ARHGAP24: variants seen among roughly 807,000 people sequenced by gnomAD.
ARHGAP24 encodes the protein rho GTPase-activating protein 24.
A neutral mutation model predicts 76.4 loss-of-function variants in ARHGAP24; 50 were observed. The ratio of observed to expected loss-of-function variants is 0.65; its 90% confidence interval spans 0.52 to 0.83. ARHGAP24 has a LOEUF of 0.83. Ranked by LOEUF, ARHGAP24 falls within the 40% of genes least tolerant of loss-of-function variation. The pLI is 0.00. For synonymous variants in ARHGAP24, 345 were observed against 323.3 expected (o/e 1.07, Z -0.72); for missense variants, 930 against 914.2 (o/e 1.02, Z -0.22).
intron 3 of ARHGAP24, among the ~76,000 whole-genome samples, chr4:85,859,731 G>C (rs1731782209): frequency 6.6e-6 from 1 of 152,088 alleles, no homozygotes; most frequent in African/African-American, 2.4e-5. Flanking sequence ...CCATCTGGCT[G>C]TAGTCTGGAA....
At chr4:85,489,006 C>G (rs536419301) in intron 1 of ARHGAP24, among the ~76,000 whole-genome samples, 1 of 152,136 alleles carries the variant, frequency 6.6e-6, no homozygotes, top group Non-Finnish European at 1.5e-5. Context: ...CTTCTACATT[C>G]CTTGTAATAA....
At chr4:85,639,745 T>G (rs1721455932) in intron 2 of ARHGAP24, among the ~76,000 whole-genome samples, 1 of 151,736 alleles carries the variant, frequency 6.6e-6, no homozygotes, top group East Asian at 1.9e-4. Flanking sequence ...TTTTTTTCAT[T>G]AAGTAGTCCT....
intron 4 of ARHGAP24, chr4:85,930,448 A>T: frequency 3.0e-6 from 3 of 987,742 alleles, no homozygotes; most frequent in Non-Finnish European, 3.6e-6. Flanking sequence ...GGAGCCAGCA[A>T]GGACAGTCCT....
chr4:85,671,318 T>C (rs6858619), intron 2 of ARHGAP24, among the ~76,000 whole-genome samples: 4,461 of 152,222 alleles, frequency 0.029, 203 homozygotes, highest in African/African-American at 0.1. Flanking sequence ...TTACATGGTA[T>C]TTTTTCCCTG....
chr4:85,483,775 A>T (rs1722910913), intron 1 of ARHGAP24, among the ~76,000 whole-genome samples: 1 of 152,170 alleles, frequency 6.6e-6, no homozygotes, highest in South Asian at 2.1e-4. Flanking sequence ...AAATATTTTT[A>T]AAAACCTTTA....
At chr4:85,535,187 G>A (rs139495453) in intron 1 of ARHGAP24, among the ~76,000 whole-genome samples, 2,386 of 152,142 alleles carry the variant, frequency 0.016, 27 homozygotes, top group Non-Finnish European at 0.025. Flanking sequence ...AGTTTTAATA[G>A]ATAGTAAATA....
chr4:85,784,888 T>C (rs529746355), intron 3 of ARHGAP24, among the ~76,000 whole-genome samples: 10 of 152,064 alleles, frequency 6.6e-5, no homozygotes, highest in African/African-American at 1.9e-4. Flanking sequence ...TTTGGCAATT[T>C]GAAGATGATT....
intron 3 of ARHGAP24, among the ~76,000 whole-genome samples, chr4:85,847,871 A>C (rs1338724645): frequency 1.3e-5 from 2 of 152,110 alleles, no homozygotes; most frequent in Admixed American, 6.5e-5. Flanking sequence ...GAGCATCCCC[A>C]AAAATGAGCA....
At chr4:85,863,612 A>AT (rs1054090774) in intron 3 of ARHGAP24, among the ~76,000 whole-genome samples, 1 of 152,006 alleles carries the variant, frequency 6.6e-6, no homozygotes, top group Non-Finnish European at 1.5e-5. Context: ...ATTATTTACC[A>AT]TTGTTGTGAG....
At chr4:85,726,396 A>T (rs1278831151) in intron 3 of ARHGAP24, among the ~76,000 whole-genome samples, 2 of 152,198 alleles carry the variant, frequency 1.3e-5, no homozygotes, top group Non-Finnish European at 2.9e-5. Context: ...TTTCTGCAAG[A>T]AAGTGAGGAA....
At chr4:85,830,745 A>G (rs1158117764) in intron 3 of ARHGAP24, among the ~76,000 whole-genome samples, 1 of 152,166 alleles carries the variant, frequency 6.6e-6, no homozygotes, top group Non-Finnish European at 1.5e-5. Flanking sequence ...AGAGCAGGGT[A>G]CGTGATGTGA....
At chr4:85,759,266 G>A (rs1389261546) in intron 3 of ARHGAP24, among the ~76,000 whole-genome samples, 1 of 152,108 alleles carries the variant, frequency 6.6e-6, no homozygotes, top group Non-Finnish European at 1.5e-5. Context: ...TAGAAGAAAG[G>A]TATAACCAAA....
At chr4:85,594,360 T>G (rs1314586075) in intron 2 of ARHGAP24, among the ~76,000 whole-genome samples, 1 of 152,066 alleles carries the variant, frequency 6.6e-6, no homozygotes, top group East Asian at 1.9e-4. Context: ...GTGGAGTCTT[T>G]GTTTCTCCAA....
chr4:85,854,004 G>A (rs1160235779), intron 3 of ARHGAP24, among the ~76,000 whole-genome samples: 1 of 151,432 alleles, frequency 6.6e-6, no homozygotes, highest in East Asian at 1.9e-4. Flanking sequence ...GCGTGGTGGT[G>A]CATGCCTGTA....
chr4:85,668,435 A>G (rs890902864), intron 2 of ARHGAP24, among the ~76,000 whole-genome samples: 1 of 152,232 alleles, frequency 6.6e-6, no homozygotes, highest in Admixed American at 6.5e-5. Context: ...TCTGGTGGTA[A>G]AAATGAAAGA....
At chr4:85,824,546 A>C (rs1276656883) in intron 3 of ARHGAP24, among the ~76,000 whole-genome samples, 1 of 152,154 alleles carries the variant, frequency 6.6e-6, no homozygotes, top group South Asian at 2.1e-4. Context: ...AACCAAATAG[A>C]AAACCAAAAC....
intron 2 of ARHGAP24, among the ~76,000 whole-genome samples, chr4:85,662,417 T>C (rs557549510): frequency 6.6e-6 from 1 of 150,952 alleles, no homozygotes; most frequent in Non-Finnish European, 1.5e-5. Context: ...TTGGATATTA[T>C]CCCTTTGTCA....
chr4:85,671,981 A>G (rs1187777878), intron 2 of ARHGAP24, among the ~76,000 whole-genome samples: 1 of 152,124 alleles, frequency 6.6e-6, no homozygotes, highest in Non-Finnish European at 1.5e-5. Context: ...TTGGGCCCCA[A>G]GCTTTTGAGT....
intron 3 of ARHGAP24, among the ~76,000 whole-genome samples, chr4:85,848,224 T>A (rs1411274059): frequency 6.6e-6 from 1 of 152,234 alleles, no homozygotes; most frequent in East Asian, 1.9e-4. Flanking sequence ...AGGGTACATG[T>A]GCACAACATG....
Sources: gnomAD v4.1 joint callset for allele counts (sites outside exome capture counted in the v4.1 genomes callset) on GRCh38, gnomAD v4.1.1 for gene constraint, MANE v1.5 for transcripts, NCBI Gene and HGNC (gene_info 2026-07-23, HGNC 2026-07-21) for gene names.